Variants in ROBO1 observed in about 807,000 individuals in gnomAD.
The protein encoded by ROBO1 is roundabout homolog 1.
Under a neutral mutation model 195.9 loss-of-function variants are expected in ROBO1, and 149 were observed. That is an observed-to-expected ratio of 0.76 (90% confidence interval 0.67 to 0.87). The LOEUF is 0.87. Ranked by LOEUF, ROBO1 falls within the 40% of genes least tolerant of loss-of-function variation. The pLI is 0.00. For missense variants in ROBO1, 1,933 were observed against 2,068.3 expected, an observed-to-expected ratio of 0.93 and a Z score of 1.27; for synonymous variants, 816 against 733.2, an observed-to-expected ratio of 1.11 and a Z score of -1.82.
Position 79,690,091 on chromosome 3 carries a change from C to A in ROBO1, c.-51+77661G>T, listed in dbSNP as rs144917138. Among the ~76,000 whole-genome samples the A allele has an allele frequency of 7.1e-3, 1,074 of 152,030 alleles. 12 individuals are homozygous for A. Among genetic ancestry groups the A allele is most frequent in the African/African-American group, 0.025 (1,019 of 41,498 alleles). On this transcript the variant is annotated intron_variant, in intron 1 of 30. Coordinates refer to ENST00000464233, the MANE Select transcript of ROBO1 (RefSeq NM_002941.4). ...TGTGATACTGTCTTTCTTTTCCTAT[C>A]ATTTCCAAATATCTTTACAAAAGTA...
chr3:79,539,868 T>C (rs1406956854), intron 2 of ROBO1, among the ~76,000 whole-genome samples: 1 of 152,098 alleles, frequency 6.6e-6, no homozygotes, highest in Non-Finnish European at 1.5e-5. Flanking sequence ...TTAATCATTA[T>C]GTTGATTTTA....
Position 78,617,696 on chromosome 3 carries a change from G to C in ROBO1, c.4221C>G (p.Val1407=). ...FFTDADFAQA[V]AAAAEYAGLK... is the part of the protein sequence containing the mutation. ...GACCAGCATACTCTGCCGCTGCTGC[G>C]ACTGCCTGGGCAAAGTCAGCATCAG... Residue 1407 remains valine (V), a synonymous_variant, in exon 27 of 31, where the codon GTC becomes GTG. Transcript: ENST00000464233. 6.2e-7 allele frequency: 1 copy of C among 1,613,924 alleles called. No individual in the cohort carries two copies. The highest frequency in any genetic ancestry group is 8.5e-7 in the Non-Finnish European group (1 of 1,179,874).
At chr3:79,337,842 C>T (rs1489311777) in intron 2 of ROBO1, among the ~76,000 whole-genome samples, 1 of 152,064 alleles carries the variant, frequency 6.6e-6, no homozygotes, top group Non-Finnish European at 1.5e-5. Context: ...TAAAGTAATA[C>T]AGACTATTAT....
Position 78,651,876 on chromosome 3 carries a change from T to A in ROBO1, c.2668A>T (p.Ile890Phe). 2 of 1,613,758 alleles carry A rather than the reference T, an allele frequency of 1.2e-6. No individual in the cohort carries two copies. Among genetic ancestry groups the A allele is most frequent in the South Asian group, 1.1e-5 (1 of 91,076 alleles). The change falls in exon 19 of 31, where the codon ATT (isoleucine) becomes TTT (phenylalanine). Residue 890 changes from isoleucine (I) to phenylalanine (F), a missense_variant. Ile to Phe is a conservative substitution (Grantham distance 21). Transcript: ENST00000464233. ...PEDQVSLAQQ[I>F]SDVVKQPAFI... ...GCCGGCTGCTTCACCACATCTGAAA[T>A]CTGCTGAGCGAGGCTGACTTGGTCC...
rs1013997358 is a variant in ROBO1, at chr3:78,688,921, G to C, written c.1046-149C>G. On this transcript the variant is annotated intron_variant, in intron 8 of 30. Coordinates refer to ENST00000464233, the MANE Select transcript of ROBO1 (RefSeq NM_002941.4). ...ATATACCAATTCTTGTCCTTAATTT[G>C]AAACTAAAATGTTAAGTTCATAGTT... is the stretch of plus-strand genomic sequence containing the variant. The C allele has an allele frequency of 1.3e-5, 10 of 768,052 alleles. No individual in the cohort carries two copies. In the East Asian group the frequency reaches 3.5e-4, roughly 27 times the overall value. The allele number at this position is 768,052 out of a possible 1,614,324, so 47.6% of individuals were successfully genotyped here. A position where few individuals can be genotyped will look rare whatever the true frequency, so the allele number is the denominator to read the frequency against.
At chr3:79,076,274 A>G (rs141073102) in intron 3 of ROBO1, among the ~76,000 whole-genome samples, 4,763 of 147,570 alleles carry the variant, frequency 0.032, 100 homozygotes, top group Middle Eastern at 0.072. Context: ...TATATATATA[A>G]ATATATAAAT....
At chr3:79,398,676 G>A (rs1575772718) in intron 2 of ROBO1, among the ~76,000 whole-genome samples, 1 of 152,226 alleles carries the variant, frequency 6.6e-6, no homozygotes, top group African/African-American at 2.4e-5. Context: ...ATGTACTGCA[G>A]TACATAAAGC....
At chr3:78,713,184 T>C (rs1367825240) in intron 8 of ROBO1, among the ~76,000 whole-genome samples, 2 of 152,200 alleles carry the variant, frequency 1.3e-5, no homozygotes, top group Non-Finnish European at 2.9e-5. Flanking sequence ...TGATCTTTCT[T>C]TTTTTCCTTT....
chr3:79,365,096 C>T (rs2109316663), intron 2 of ROBO1, among the ~76,000 whole-genome samples: 1 of 152,248 alleles, frequency 6.6e-6, no homozygotes, highest in African/African-American at 2.4e-5. Flanking sequence ...ACGTGAATTG[C>T]ATCAGAATGT....
At chr3:79,165,304 A>G (rs1343119318) in intron 2 of ROBO1, among the ~76,000 whole-genome samples, 1 of 152,240 alleles carries the variant, frequency 6.6e-6, no homozygotes, top group Non-Finnish European at 1.5e-5. Flanking sequence ...GATATCAGGC[A>G]TAGATGTGGC....
intron 3 of ROBO1, among the ~76,000 whole-genome samples, chr3:79,003,641 T>G (rs1009388430): frequency 6.6e-6 from 1 of 152,170 alleles, no homozygotes; most frequent in African/African-American, 2.4e-5. Context: ...CGCATTTTAC[T>G]GTGAAACATA....
At chr3:79,436,268 T>C (rs2038884654) in intron 2 of ROBO1, among the ~76,000 whole-genome samples, 1 of 152,192 alleles carries the variant, frequency 6.6e-6, no homozygotes, top group Admixed American at 6.5e-5. Flanking sequence ...AAAGTATTTT[T>C]CCATTGCAAT....
chr3:78,836,512 C>CAAAA (rs370559968), intron 4 of ROBO1, among the ~76,000 whole-genome samples: 6 of 122,390 alleles, frequency 4.9e-5, no homozygotes, highest in Non-Finnish European at 4.9e-5. Flanking sequence ...ACTCTGTCTC[C>CAAAA]AAAAAAAAAA....
chr3:79,018,771 GT>G (rs2078022835), intron 3 of ROBO1: 1 of 1,118,114 alleles, frequency 8.9e-7, no homozygotes, highest in Non-Finnish European at 1.1e-6. Flanking sequence ...CAGTAGTGCC[GT>G]TTCCTGCCTC....
At chr3:79,441,634 T>C (rs1362344390) in intron 2 of ROBO1, among the ~76,000 whole-genome samples, 2 of 152,108 alleles carry the variant, frequency 1.3e-5, no homozygotes, top group Non-Finnish European at 2.9e-5. Flanking sequence ...TCATCTTGAA[T>C]TTCTATCCTC....
rs1413700370 is a variant in ROBO1, at chr3:79,649,176, A to G, written c.-50-59215T>C. Among the ~76,000 whole-genome samples the G allele has an allele frequency of 3.3e-5, 5 of 152,134 alleles. No homozygotes were observed. The East Asian group carries it at 9.7e-4, about 29-fold the overall frequency. On this transcript the variant is annotated intron_variant, in intron 1 of 30. Coordinates refer to ENST00000464233, the MANE Select transcript of ROBO1 (RefSeq NM_002941.4). ...GCCCTATAAATGATTTCAACATCCA[A>G]CTGAATTTGAGAACCACTGTAGTTG...
chr3:79,436,124 A>G (rs1469132090), intron 2 of ROBO1, among the ~76,000 whole-genome samples: 1 of 152,210 alleles, frequency 6.6e-6, no homozygotes, highest in Admixed American at 6.6e-5. Context: ...AAGCTACTTT[A>G]GTTTTTAATC....
intron 21 of ROBO1, among the ~76,000 whole-genome samples, chr3:78,645,900 G>C (rs1328529780): frequency 6.6e-6 from 1 of 152,028 alleles, no homozygotes; most frequent in Non-Finnish European, 1.5e-5. Flanking sequence ...TGCTAAATCA[G>C]CAAGTCTCTT....
intron 5 of ROBO1, among the ~76,000 whole-genome samples, chr3:78,722,494 G>T (rs940180671): frequency 6.6e-6 from 1 of 151,956 alleles, no homozygotes; most frequent in African/African-American, 2.4e-5. Flanking sequence ...ACAAATCAAG[G>T]CCTGAAAAAT....
Sources: gnomAD v4.1 joint callset for allele counts (sites outside exome capture counted in the v4.1 genomes callset) on GRCh38, gnomAD v4.1.1 for gene constraint, MANE v1.5 for transcripts, NCBI Gene and HGNC (gene_info 2026-07-23, HGNC 2026-07-21) for gene names.